Variants in KLHL4 observed in about 807,000 individuals in gnomAD.
KLHL4 encodes kelch-like protein 4.
In KLHL4, 17 loss-of-function variants were observed where a neutral mutation model predicts 45.8. That is an observed-to-expected ratio of 0.37 (90% CI 0.25 to 0.56). The LOEUF (loss-of-function observed/expected upper bound fraction) is 0.56, where lower values mean the gene tolerates loss of function less well. Among genes scored for constraint, KLHL4 ranks in the 20% least tolerant of loss-of-function variants. KLHL4 has a pLI of 0.79. For missense variants in KLHL4, 544 were observed against 544.9 expected, an observed-to-expected ratio of 1.00 and a Z score of 0.02; for synonymous variants, 224 against 189.9, an observed-to-expected ratio of 1.18 and a Z score of -1.47.
chrX:87,607,053 C>G (rs1340136545), intron 1 of KLHL4, among the ~76,000 whole-genome samples: 1 of 111,649 alleles, frequency 9.0e-6, no homozygotes, highest in Non-Finnish European at 1.9e-5. Flanking sequence ...ATTATAGATC[C>G]TAGAGATGAA....
intron 9 of KLHL4, among the ~76,000 whole-genome samples, chrX:87,641,501 C>T (rs2147830220): frequency 9.0e-6 from 1 of 111,723 alleles, no homozygotes; most frequent in East Asian, 2.8e-4. Flanking sequence ...AAATCTTTAG[C>T]TGAACTTTGT....
At position 87,635,670 on chromosome X, in the gene KLHL4, G is replaced by A. The variant is rs757909585; in HGVS notation, c.1820G>A (p.Arg607His). 6.6e-6 allele frequency: 8 copies of A among 1,209,218 alleles called. No individual in the cohort carries two copies. In the Admixed American group the frequency reaches 1.1e-4, roughly 16 times the overall value. ...TTGTGTGCTCCAATGTCCAAAAGAC[G>A]TGGAGGTGTGGGAGTTGCCACATAC... Reference protein sequence around the residue: ...WSLCAPMSKRRGGVGVATYNG... With the variant: ...WSLCAPMSKRHGGVGVATYNG... Residue 607 changes from arginine to histidine, a missense_variant, in exon 9 of 11, where the codon CGT becomes CAT. Coordinates refer to ENST00000373119, the MANE Select transcript of KLHL4 (RefSeq NM_019117.5).
At chrX:87,658,234 C>T (rs999178311) in intron 9 of KLHL4, among the ~76,000 whole-genome samples, 3 of 111,769 alleles carry the variant, frequency 2.7e-5, no homozygotes, top group Non-Finnish European at 3.8e-5. Context: ...ACCTCCTGCA[C>T]GCACACTTCA....
At position 87,517,949 on chromosome X, in the gene KLHL4, G is replaced by A; in HGVS notation, c.56G>A (p.Trp19Ter). The A allele has an allele frequency of 8.3e-7, 1 of 1,211,590 alleles. No individual in the cohort carries two copies. ...FDVKQILRLRWRWFSHPFQGS... is the reference protein window; with the variant it reads ...FDVKQILRLR ...GTGAAACAGATCCTAAGGCTACGCT[G>A]GAGGTGGTTTAGTCATCCTTTTCAA... Residue 19 changes from tryptophan to a stop codon, truncating the protein, a stop_gained, in exon 1 of 11, where the codon TGG becomes TAG. Coordinates refer to ENST00000373119, the MANE Select transcript of KLHL4 (RefSeq NM_019117.5). LOFTEE classifies it high-confidence loss of function.
At chrX:87,572,987 C>T (rs1381916984) in intron 1 of KLHL4, among the ~76,000 whole-genome samples, 1 of 111,611 alleles carries the variant, frequency 9.0e-6, no homozygotes, top group African/African-American at 3.2e-5. Flanking sequence ...AAATATTTCT[C>T]ATACAAATGT....
intron 1 of KLHL4, among the ~76,000 whole-genome samples, chrX:87,586,842 G>T (rs1028095566): frequency 2.7e-5 from 3 of 110,745 alleles, no homozygotes; most frequent in African/African-American, 9.8e-5. Context: ...ACAAGAATTT[G>T]TTTTTTAAAA....
Position 87,518,323 on chromosome X carries a change from T to G in KLHL4, c.422+8T>G, listed in dbSNP as rs1248724049. 8.5e-7 allele frequency: 1 copy of G among 1,176,875 alleles called. No individual in the cohort carries two copies. The highest frequency in any genetic ancestry group is 1.1e-6 in the Non-Finnish European group (1 of 873,548). ...AGAAGATTCTACAGCAAGGTAAGAGTTTTTGGTCGCATAACTGAATGCCGT... is the reference window on the plus strand; with the variant it reads ...AGAAGATTCTACAGCAAGGTAAGAGGTTTTGGTCGCATAACTGAATGCCGT... On this transcript the variant is annotated splice_region_variant and intron_variant, in intron 1 of 10. Coordinates refer to ENST00000373119, the MANE Select transcript of KLHL4 (RefSeq NM_019117.5).
chrX:87,568,736 A>G (rs1932274774), intron 1 of KLHL4, among the ~76,000 whole-genome samples: 2 of 111,524 alleles, frequency 1.8e-5, no homozygotes, highest in Admixed American at 1.9e-4. Flanking sequence ...TGCTAAGACT[A>G]TACAATGGGG....
intron 1 of KLHL4, among the ~76,000 whole-genome samples, chrX:87,580,495 C>T (rs750848986): frequency 2.7e-5 from 3 of 110,949 alleles, no homozygotes; most frequent in Admixed American, 9.6e-5. Flanking sequence ...TTCAAGGACA[C>T]ACACGGGCTG....
intron 3 of KLHL4, among the ~76,000 whole-genome samples, 198 bp downstream of exon 3, chrX:87,614,768 G>C (rs1185327495): frequency 9.0e-6 from 1 of 110,770 alleles, no homozygotes; most frequent in Non-Finnish European, 1.9e-5. Context: ...AAAAGGCATA[G>C]TTAGGATATA....
chrX:87,655,224 C>A (rs772490117), intron 9 of KLHL4, among the ~76,000 whole-genome samples: 42 of 111,595 alleles, frequency 3.8e-4, no homozygotes, highest in Non-Finnish European at 7.4e-4. Flanking sequence ...TTTGCCAAGG[C>A]CATTTTCTTG....
chrX:87,665,222 A>C (rs1924328771), intron 10 of KLHL4, among the ~76,000 whole-genome samples: 1 of 111,337 alleles, frequency 9.0e-6, no homozygotes, highest in Admixed American at 9.6e-5. Context: ...TAAAGAAAAT[A>C]AGCGAATCCA....
At chrX:87,530,648 A>G (rs1441877591) in intron 1 of KLHL4, among the ~76,000 whole-genome samples, 1 of 107,043 alleles carries the variant, frequency 9.3e-6, no homozygotes, top group Non-Finnish European at 1.9e-5. Context: ...TATGTGCCAC[A>G]TTTTCTCAAT....
In KLHL4 at chrX:87,554,858, C is replaced by G. The variant is rs372495556; in HGVS notation, c.422+36543C>G. 8.3e-4 allele frequency among the ~76,000 whole-genome samples: 84 copies of G among 101,713 alleles called. No homozygotes were observed. In the East Asian group the frequency reaches 8.3e-3, roughly 10 times the overall value. 88.3% of individuals were successfully genotyped at this position (101,713 alleles called of 115,157 possible). ...AGTATGATATTGGCTGTGGGTTTGT[C>G]ATAGATAGCTCTTATTATTTTGAGA... On this transcript the variant is annotated intron_variant, in intron 1 of 10. Transcript: ENST00000373119.
At chrX:87,541,490 C>CAAAA (rs1491259195) in intron 1 of KLHL4, among the ~76,000 whole-genome samples, 2 of 63,926 alleles carry the variant, frequency 3.1e-5, no homozygotes, top group Non-Finnish European at 5.5e-5. Context: ...GACTCCATCT[C>CAAAA]ACAAAAAAAA....
Position 87,667,266 on chromosome X carries a change from A to G in KLHL4, c.*732A>G. On this transcript the variant is annotated 3_prime_UTR_variant, in exon 11 of 11. Transcript: ENST00000373119. ...TAATTTCATATACACAGTCTATACA[A>G]TGAAATAATGAATATTTATCATATT... 6.9e-6 allele frequency: 5 copies of G among 719,428 alleles called. No individual in the cohort carries two copies. The highest frequency in any genetic ancestry group is 4.9e-6 in the Non-Finnish European group (3 of 607,582). The allele number at this position is 719,428 out of a possible 1,213,427, so 59.3% of individuals were successfully genotyped here.
intron 1 of KLHL4, among the ~76,000 whole-genome samples, chrX:87,532,321 G>C (rs1931310318): frequency 9.0e-6 from 1 of 110,974 alleles, no homozygotes; most frequent in Non-Finnish European, 1.9e-5. Context: ...GTACCATGCT[G>C]TTTTGGTTAC....
chrX:87,635,930 C>A (rs1484709656), intron 9 of KLHL4, among the ~76,000 whole-genome samples, 155 bp downstream of exon 9: 1 of 111,857 alleles, frequency 8.9e-6, no homozygotes, highest in African/African-American at 3.3e-5. Flanking sequence ...GAGAACAAGT[C>A]CTTTCCCAGC....
intron 9 of KLHL4, among the ~76,000 whole-genome samples, chrX:87,639,876 A>G (rs1174510384): frequency 9.2e-6 from 1 of 108,800 alleles, no homozygotes; most frequent in Non-Finnish European, 1.9e-5. Flanking sequence ...CAACAACAAC[A>G]AAAAAATACA....
Sources: gnomAD v4.1 joint callset for allele counts (sites outside exome capture counted in the v4.1 genomes callset) on GRCh38, gnomAD v4.1.1 for gene constraint, MANE v1.5 for transcripts, NCBI Gene and HGNC (gene_info 2026-07-23, HGNC 2026-07-21) for gene names.